Variants in AMELX observed in about 807,000 individuals in gnomAD.
The protein encoded by AMELX is amelogenin, X isoform.
AMELX carries 9 observed loss-of-function variants against 15.8 expected under a neutral mutation model. The observed-to-expected ratio is 0.57, with a 90% CI of 0.34 to 0.99. AMELX has a LOEUF of 0.99. Among genes scored for constraint, AMELX ranks in the 50% least tolerant of loss-of-function variants. The probability of loss-of-function intolerance (pLI) is 0.02; values close to 1 mark genes in which losing one functional copy is unlikely to be tolerated. For missense variants in AMELX, 107 were observed against 156.2 expected, an observed-to-expected ratio of 0.68 and a Z score of 1.68; for synonymous variants, 61 against 58.8, an observed-to-expected ratio of 1.04 and a Z score of -0.17.
chrX:11,297,991 C>T, intron 3 of AMELX: 1 of 770,114 alleles, frequency 1.3e-6, no homozygotes, highest in Non-Finnish European at 2.0e-6. Flanking sequence ...AGTAATAATA[C>T]TTGCCTCCTA....
chrX:11,303,739 C>T (rs1033697082), downstream of AMELX, among the ~76,000 whole-genome samples: 4 of 111,471 alleles, frequency 3.6e-5, no homozygotes, highest in African/African-American at 9.8e-5. Flanking sequence ...AGCACAAAGC[C>T]GGCTTTCCAG....
chrX:11,300,858 T>C, downstream of AMELX: 1 of 283,849 alleles, frequency 3.5e-6, no homozygotes, highest in Non-Finnish European at 6.4e-6. Flanking sequence ...ACTGCTCATT[T>C]AGTCATACAA....
intron 2 of AMELX, among the ~76,000 whole-genome samples, chrX:11,295,366 C>T (rs2048066151): frequency 9.0e-6 from 1 of 111,532 alleles, no homozygotes; most frequent in African/African-American, 3.3e-5. Flanking sequence ...AGAGGCCCCA[C>T]CCCTTTGGGT....
intron 5 of AMELX, among the ~76,000 whole-genome samples, chrX:11,299,528 T>C (rs1164955705): frequency 8.9e-6 from 1 of 112,276 alleles, no homozygotes; most frequent in Non-Finnish European, 1.9e-5. Context: ...AGATTCCTTT[T>C]CTGTACTGGG....
chrX:11,294,457 C>A (rs758774073), intron 1 of AMELX, among the ~76,000 whole-genome samples: 5 of 111,841 alleles, frequency 4.5e-5, no homozygotes, highest in African/African-American at 1.3e-4. Context: ...ATTATAAATA[C>A]AATTTAGCTT....
At chrX:11,305,257 C>T (rs2048225814), downstream of AMELX, among the ~76,000 whole-genome samples, 2 of 111,196 alleles carry the variant, frequency 1.8e-5, no homozygotes, top group South Asian at 7.6e-4. Context: ...AGTGCTGTCC[C>T]GTGATTAAGT....
chrX:11,305,168 A>G (rs1255345437), downstream of AMELX, among the ~76,000 whole-genome samples: 1 of 110,931 alleles, frequency 9.0e-6, no homozygotes, highest in African/African-American at 3.3e-5. Flanking sequence ...CAATGTCTGG[A>G]GTCACAACAG....
downstream of AMELX, among the ~76,000 whole-genome samples, chrX:11,302,008 A>C (rs1306864249): frequency 8.9e-6 from 1 of 112,436 alleles, no homozygotes; most frequent in Non-Finnish European, 1.9e-5. Flanking sequence ...TAGTGTGATA[A>C]TACAGAGGAA....
chrX:11,299,728 A>G (rs184311581), intron 5 of AMELX, among the ~76,000 whole-genome samples: 92 of 111,842 alleles, frequency 8.2e-4, no homozygotes, highest in Non-Finnish European at 1.4e-3. Context: ...CTGTAATTCC[A>G]ATTTATACAT....
At chrX:11,295,218 G>T (rs2048063290) in intron 2 of AMELX, among the ~76,000 whole-genome samples, 1 of 111,467 alleles carries the variant, frequency 9.0e-6, no homozygotes, top group South Asian at 3.8e-4. Context: ...ATATTACAGA[G>T]ATGCCAGTTT....
chrX:11,305,230 A>T (rs577620240), downstream of AMELX, among the ~76,000 whole-genome samples: 410 of 111,148 alleles, frequency 3.7e-3, 1 homozygote, highest in Middle Eastern at 0.014. Context: ...GTTAAGGAGA[A>T]TTTGCAAAAT....
At chrX:11,299,055 G>A (rs1258953662) in intron 5 of AMELX, 82 bp downstream of exon 5, 15 of 1,059,486 alleles carry the variant, frequency 1.4e-5, no homozygotes, top group Admixed American at 1.3e-4. Context: ...TAAGGTCTCC[G>A]ACAACCAAGG....
rs756968232 is a variant in AMELX at position 11,298,739 on chromosome X, C to A, written c.336C>A (p.Ile112=). The change falls in exon 5 of 6, where the codon ATC becomes ATA. Residue 112 remains isoleucine, a synonymous_variant. Transcript: ENST00000380714. ...PVPGQHSMTP[I]QHHQPNLPPP... The stretch of plus-strand genomic sequence containing the variant: ...CTGGCCAACACTCCATGACTCCAAT[C>A]CAACACCACCAGCCAAACCTCCCTC... The A allele has an allele frequency of 3.0e-5, 36 of 1,208,630 alleles. No individual in the cohort carries two copies. The Admixed American group carries it at 7.9e-4, about 27-fold the overall frequency.
rs766963883 is a variant in AMELX at position 11,298,087 on chromosome X, C to T, written c.103-149C>T. ...GAAGCACCCAACAAATTTTTACCTT[C>T]TTCTTTCTTTTGTAGAACTCACATT... is the stretch of plus-strand genomic sequence containing the variant. On this transcript the variant is annotated intron_variant, in intron 3 of 5. Coordinates refer to ENST00000380714, the MANE Select transcript of AMELX (RefSeq NM_001142.2). 1.1e-4 allele frequency: 138 copies of T among 1,209,276 alleles called. No individual in the cohort carries two copies. In the South Asian group the frequency reaches 2.4e-3, roughly 21 times the overall value.
At chrX:11,307,607 A>G in the AMELX span, among the ~76,000 whole-genome samples, 1 of 112,500 alleles carries the variant, frequency 8.9e-6, no homozygotes, top group Non-Finnish European at 1.9e-5. Flanking sequence ...TCCACAAATG[A>G]TTTTTCTTAA....
At chrX:11,298,349 T>C (rs2048119325) in intron 4 of AMELX, 72 bp downstream of exon 4, 18 of 1,121,432 alleles carry the variant, frequency 1.6e-5, no homozygotes, top group Non-Finnish European at 2.2e-5. Context: ...TTAAGTGAAA[T>C]ATCATGTCTA....
chrX:11,300,387 A>T (rs1279462384), intron 5 of AMELX, among the ~76,000 whole-genome samples: 2 of 111,880 alleles, frequency 1.8e-5, no homozygotes, highest in Admixed American at 1.9e-4. Context: ...ATTTTATTAT[A>T]AAATAATAGG....
the AMELX span, among the ~76,000 whole-genome samples, chrX:11,307,035 T>C: frequency 9.0e-6 from 1 of 111,341 alleles, no homozygotes; most frequent in Admixed American, 9.5e-5. Context: ...TGGATGGTCC[T>C]CATGCCTTCT....
chrX:11,304,782 T>TC (rs1321542571), downstream of AMELX, among the ~76,000 whole-genome samples: 2 of 71,248 alleles, frequency 2.8e-5, no homozygotes, highest in East Asian at 8.0e-4. Flanking sequence ...TTTTACTTTT[T>TC]TTTTTTTTTT....
Sources: gnomAD v4.1 joint callset for allele counts (sites outside exome capture counted in the v4.1 genomes callset) on GRCh38, gnomAD v4.1.1 for gene constraint, MANE v1.5 for transcripts, NCBI Gene and HGNC (gene_info 2026-07-23, HGNC 2026-07-21) for gene names.